The following TCOF1 variants were observed in gnomAD, a reference collection of about 807,000 sequenced individuals.
TCOF1 encodes the protein treacle protein.
In TCOF1, 33 loss-of-function variants were observed where a neutral mutation model predicts 149.0. The observed-to-expected ratio is 0.22, with a 90% CI of 0.17 to 0.30. The LOEUF is 0.30. Among genes scored for constraint, TCOF1 ranks in the 10% least tolerant of loss-of-function variants. The pLI is 1.00. For synonymous variants in TCOF1, 789 were observed against 738.8 expected (o/e 1.07, Z -1.10); for missense variants, 1,728 against 1,840.7 (o/e 0.94, Z 1.12).
At position 150,367,861 on chromosome 5, in the gene TCOF1, A is replaced by G; in HGVS notation, c.322A>G (p.Thr108Ala). ...TAKATPRLASTNSSVLGADLP... is the reference protein window; with the variant it reads ...TAKATPRLASANSSVLGADLP... ...TCTTGCAGCCCCAAGACTAGCATCT[A>G]CCAACTCCTCAGTCCTGGGGGCGGA... The change falls in exon 4 of 27, where the codon ACC becomes GCC. Residue 108 changes from threonine to alanine, a missense_variant. Transcript: ENST00000643257. The G allele has an allele frequency of 6.2e-7, 1 of 1,614,232 alleles. No homozygotes were observed. Among genetic ancestry groups the G allele is most frequent in the Non-Finnish European group, 8.5e-7 (1 of 1,180,038 alleles).
Position 150,399,022 on chromosome 5 carries a change from A to T in TCOF1, c.4444A>T (p.Lys1482Ter). 1 of 1,614,232 alleles carries T rather than the reference A, an allele frequency of 6.2e-7. No individual in the cohort carries two copies. The highest frequency in any genetic ancestry group is 8.5e-7 in the Non-Finnish European group (1 of 1,180,034). ...SPSQKKKKKK[K>*]KTAEQTV ...GCCTCTCGTACTTCCCTCCTCACAG[A>T]AGAAGACAGCAGAGCAGACTGTATG... Residue 1482 changes from lysine (K) to a stop codon, truncating the protein, a stop_gained and splice_region_variant, in exon 26 of 27, where the codon AAG becomes TAG. Transcript: ENST00000643257. LOFTEE classifies it high-confidence loss of function.
At chr5:150,359,730 C>T (rs914819307) in intron 1 of TCOF1, among the ~76,000 whole-genome samples, 3 of 152,202 alleles carry the variant, frequency 2.0e-5, no homozygotes, top group African/African-American at 7.2e-5. Flanking sequence ...GCAAAATATC[C>T]TGCCGTCATG....
rs1764493714 is a variant in TCOF1 at position 150,379,298 on chromosome 5, G to A, written c.2548G>A (p.Val850Met). Residue 850 changes from valine (V) to methionine (M), a missense_variant, in exon 16 of 27, where the codon GTG becomes ATG. Physicochemically the swap from Val to Met is conservative, Grantham distance 21. Transcript: ENST00000643257. Reference protein sequence around the residue: ...LARGPASVPSVGKAVATAAQA... With the variant: ...LARGPASVPSMGKAVATAAQA... ...GAGGGGCCCAGCATCTGTGCCATCT[G>A]TGGGGAAGGCCGTGGCTACAGCAGC... 3 of 1,614,248 alleles carry A rather than the reference G, an allele frequency of 1.9e-6. No homozygotes were observed. The highest frequency in any genetic ancestry group is 8.5e-7 in the Non-Finnish European group (1 of 1,180,052).
chr5:150,395,404 A>G (rs1768255462), intron 23 of TCOF1, among the ~76,000 whole-genome samples: 1 of 152,036 alleles, frequency 6.6e-6, no homozygotes, highest in Non-Finnish European at 1.5e-5. Context: ...CGGTGAGGAG[A>G]CCCAGTCATG....
In TCOF1 at chr5:150,374,742, G is replaced by C; in HGVS notation, c.1209G>C (p.Ala403=). ...GGCCTGCAGTTGCCAAGGCCCAGGC[G>C]GGGAAGCGGGAGGAGGACTCGCAGA... The part of the protein sequence containing the change: ...KTGPAVAKAQ[A]GKREEDSQSS... The change falls in exon 9 of 27, where the codon GCG becomes GCC. Residue 403 remains alanine, a synonymous_variant. Coordinates refer to ENST00000643257, the MANE Select transcript of TCOF1 (RefSeq NM_001371623.1). The C allele has an allele frequency of 1.2e-6, 2 of 1,612,908 alleles. No homozygotes were observed. The highest frequency in any genetic ancestry group is 2.7e-5 in the African/African-American group (2 of 74,604).
rs771777470 is a variant in TCOF1, at chr5:150,364,203, G to A, written c.255G>A (p.Ser85=). 10 of 1,614,148 alleles carry A rather than the reference G, an allele frequency of 6.2e-6. No individual in the cohort carries two copies. Among genetic ancestry groups the A allele is most frequent in the Admixed American group, 1.7e-5 (1 of 60,014 alleles). ...GTGTGTCAGACCCCATCAGCACCTC[G>A]GAGAGCTCGGAAGAGGAGGAAGAAG... The part of the protein sequence containing the change: ...KTRVSDPIST[S]ESSEEEEEAE... The change falls in exon 3 of 27, where the codon TCG becomes TCA. Residue 85 remains serine (S), a synonymous_variant. Transcript: ENST00000643257.
intron 1 of TCOF1, among the ~76,000 whole-genome samples, chr5:150,360,666 C>T (rs1438310402): frequency 2.0e-5 from 3 of 151,432 alleles, no homozygotes; most frequent in Non-Finnish European, 4.4e-5. Flanking sequence ...TTCTTCTTGT[C>T]TCTGGAAGGT....
intron 24 of TCOF1, among the ~76,000 whole-genome samples, chr5:150,398,143 A>G (rs1768963462): frequency 6.6e-6 from 1 of 152,024 alleles, no homozygotes; most frequent in South Asian, 2.1e-4. Flanking sequence ...GCTGGTCTTG[A>G]ACTCCTGGGC....
At chr5:150,396,203 C>T in intron 23 of TCOF1, 79 bp from the exon 24 acceptor site, 3 of 1,516,740 alleles carry the variant, frequency 2.0e-6, no homozygotes, top group Non-Finnish European at 2.7e-6. Flanking sequence ...TCACTCCCTG[C>T]ACCCTCTTCG....
chr5:150,360,011 G>C (rs915568746), intron 1 of TCOF1, among the ~76,000 whole-genome samples: 3 of 152,194 alleles, frequency 2.0e-5, no homozygotes, highest in African/African-American at 7.2e-5. Flanking sequence ...GGCCGCGTTA[G>C]AGGCAGGGTG....
rs191833770 is a variant in TCOF1, at chr5:150,364,318, C to T, written c.304+66C>T. 65 of 1,606,324 alleles carry T rather than the reference C, an allele frequency of 4.0e-5. 1 individual carries two copies. The African/African-American group carries it at 7.9e-4, about 20-fold the overall frequency. ...GATTGTTCTAGGGTAGAGTCTACCT[C>T]CAGCTTCTTCTCTTATCACTAGAAG... On this transcript the variant is annotated intron_variant, in intron 3 of 26. Transcript: ENST00000643257.
chr5:150,392,256 A>T (rs1236360023), intron 21 of TCOF1, 80 bp downstream of exon 21: 1 of 1,443,598 alleles, frequency 6.9e-7, no homozygotes, highest in Non-Finnish European at 9.5e-7. Flanking sequence ...CTCTGGCCTC[A>T]GCTCCATATC....
In TCOF1 at chr5:150,392,703, A is replaced by G. The variant is rs1323827693; in HGVS notation, c.3518-2A>G. 10 of 1,613,834 alleles carry G rather than the reference A, an allele frequency of 6.2e-6. No homozygotes were observed. The East Asian group carries it at 8.9e-5, about 14-fold the overall frequency. On this transcript the variant is annotated splice_acceptor_variant, in intron 21 of 26. Coordinates refer to ENST00000643257, the MANE Select transcript of TCOF1 (RefSeq NM_001371623.1). LOFTEE classifies it high-confidence loss of function. ...TACCAACAGGATACTGTGCTTCTCC[A>G]GTAGGTCCCACCCCCTCCAGGACAG...
At position 150,396,267 on chromosome 5, in the gene TCOF1, A is replaced by G. The variant is rs1193592585; in HGVS notation, c.3785-15A>G. 23 of 1,613,990 alleles carry G rather than the reference A, an allele frequency of 1.4e-5. No homozygotes were observed. Among genetic ancestry groups the G allele is most frequent in the Non-Finnish European group, 1.9e-5 (22 of 1,180,006 alleles). On this transcript the variant is annotated splice_polypyrimidine_tract_variant and intron_variant, in intron 23 of 26. Transcript: ENST00000643257. Reference sequence around the variant, plus strand: ...AACTCTCCCAGATCTGTGACCCCACATTCTCTCTCCATAGGTGGAAAAGAG... The same window carrying G: ...AACTCTCCCAGATCTGTGACCCCACGTTCTCTCTCCATAGGTGGAAAAGAG...
Position 150,399,938 on chromosome 5 carries a change from C to T in TCOF1, c.*151C>T, listed in dbSNP as rs886060265. The T allele has an allele frequency of 1.3e-5, 2 of 152,488 alleles. No homozygotes were observed. Among genetic ancestry groups the T allele is most frequent in the African/African-American group, 4.8e-5 (2 of 41,456 alleles). 9.4% of individuals were successfully genotyped at this position (152,488 alleles called of 1,614,324 possible). On this transcript the variant is annotated 3_prime_UTR_variant, in exon 27 of 27. Transcript: ENST00000643257. The stretch of plus-strand genomic sequence containing the variant: ...AGAAGACAGCCAGCTTCAGGGGTCC[C>T]TGTGCTGGCCAAGCCAGTGAGCCTG...
chr5:150,392,282 A>G, intron 21 of TCOF1, 106 bp downstream of exon 21: 1 of 1,182,948 alleles, frequency 8.5e-7, no homozygotes, highest in Non-Finnish European at 1.2e-6. Context: ...CTCATTCTGC[A>G]CCTGTGGCTG....
rs754228427 is a variant in TCOF1, at chr5:150,375,723, A to G, written c.1707A>G (p.Glu569=). The G allele has an allele frequency of 6.2e-7, 1 of 1,614,260 alleles. No homozygotes were observed. The highest frequency in any genetic ancestry group is 8.5e-7 in the Non-Finnish European group (1 of 1,180,052). Residue 569 remains glutamate (E), a splice_region_variant and synonymous_variant, in exon 12 of 27, where the codon GAA becomes GAG. Transcript: ENST00000643257. The part of the protein sequence containing the change: ...EVPTAVAPAQ[E]KSLGNILQAK... ...CGATCCTGTGTATCTCACTCCAGGA[A>G]AAGTCCTTGGGGAACATCCTCCAGG...
At chr5:150,381,248 T>G (rs779067659) in intron 17 of TCOF1, among the ~76,000 whole-genome samples, 1 of 152,080 alleles carries the variant, frequency 6.6e-6, no homozygotes, top group Non-Finnish European at 1.5e-5. Flanking sequence ...TCTTCATGAG[T>G]AAAACAAGCA....
Position 150,375,836 on chromosome 5 carries a change from A to G in TCOF1, c.1820A>G (p.Asn607Ser), listed in dbSNP as rs777672775. ...GTCAAGGCTGAAAAGCCCATGGACA[A>G]CTCGGAGAGCAGCGAGGAGTCATCG... The part of the protein sequence containing the change: ...VQVKAEKPMD[N>S]SESSEESSDS... Residue 607 changes from asparagine to serine, a missense_variant, in exon 12 of 27, where the codon AAC becomes AGC. Physicochemically the swap from Asn to Ser is conservative, Grantham distance 46. Coordinates refer to ENST00000643257, the MANE Select transcript of TCOF1 (RefSeq NM_001371623.1). 4 of 1,614,016 alleles carry G rather than the reference A, an allele frequency of 2.5e-6. No individual in the cohort carries two copies. Among genetic ancestry groups the G allele is most frequent in the Admixed American group, 3.3e-5 (2 of 60,010 alleles).
Sources: allele counts gnomAD v4.1 joint callset (sites outside exome capture counted in the v4.1 genomes callset), GRCh38; gene constraint gnomAD v4.1.1; transcripts MANE v1.5; gene names NCBI Gene and HGNC (gene_info 2026-07-23, HGNC 2026-07-21).